The following ASXL2 variants were observed in gnomAD, a reference collection of about 807,000 sequenced individuals.
ASXL2 encodes the protein putative Polycomb group protein ASXL2.
ASXL2 carries 23 observed loss-of-function variants against 122.0 expected under a neutral mutation model. The ratio of observed to expected loss-of-function variants is 0.19; its 90% CI spans 0.14 to 0.27. ASXL2 has a LOEUF of 0.27. Among genes scored for constraint, ASXL2 ranks in the 10% least tolerant of loss-of-function variants. ASXL2 has a pLI of 1.00. For synonymous variants in ASXL2, 650 were observed against 637.0 expected (o/e 1.02, Z -0.31); for missense variants, 1,518 against 1,713.8 (o/e 0.89, Z 2.02).
chr2:25,850,922 T>C (rs1413621792), intron 1 of ASXL2, among the ~76,000 whole-genome samples: 4 of 152,144 alleles, frequency 2.6e-5, no homozygotes, highest in Admixed American at 2.6e-4. Flanking sequence ...GTGGACCACC[T>C]GAGGTCAGGA....
chr2:25,818,905 T>A (rs980297899), intron 3 of ASXL2, among the ~76,000 whole-genome samples: 3 of 152,038 alleles, frequency 2.0e-5, no homozygotes, highest in African/African-American at 7.2e-5. Flanking sequence ...CTTCTAATAA[T>A]CAAAAAAGAA....
intron 3 of ASXL2, among the ~76,000 whole-genome samples, chr2:25,814,152 A>G (rs76452491): frequency 0.033 from 4,982 of 152,312 alleles, 135 homozygotes; most frequent in African/African-American, 0.073. Context: ...ATTTTGAAAA[A>G]CCTACAAGAT....
intron 3 of ASXL2, among the ~76,000 whole-genome samples, chr2:25,814,517 CACA>C (rs899514942): frequency 1.5e-4 from 23 of 152,184 alleles, no homozygotes; most frequent in Non-Finnish European, 5.9e-5. Flanking sequence ...GTAACTATCA[CACA>C]ACAAGTCAGC....
At chr2:25,789,536 T>C (rs2088799199) in intron 5 of ASXL2, among the ~76,000 whole-genome samples, 2 of 152,116 alleles carry the variant, frequency 1.3e-5, no homozygotes, top group Non-Finnish European at 2.9e-5. Context: ...TAGTTCATAG[T>C]ACTGTTCTGT....
intron 2 of ASXL2, among the ~76,000 whole-genome samples, chr2:25,843,166 G>C (rs1021289669): frequency 5.9e-5 from 9 of 151,948 alleles, no homozygotes; most frequent in Non-Finnish European, 1.2e-4. Flanking sequence ...GCCAGGCATG[G>C]TGGCAGGTGC....
At chr2:25,820,141 C>A (rs1000408096) in intron 3 of ASXL2, among the ~76,000 whole-genome samples, 1 of 152,048 alleles carries the variant, frequency 6.6e-6, no homozygotes, top group African/African-American at 2.4e-5. Flanking sequence ...GTCTTGAACT[C>A]CTGCACTCAA....
At chr2:25,804,316 C>T (rs1314078466) in intron 4 of ASXL2, among the ~76,000 whole-genome samples, 1 of 152,242 alleles carries the variant, frequency 6.6e-6, no homozygotes, top group Non-Finnish European at 1.5e-5. Context: ...TTGGGGAAAA[C>T]TCTCTCCTCA....
chr2:25,822,967 CT>C, intron 3 of ASXL2: 1 of 507,444 alleles, frequency 2.0e-6, no homozygotes, highest in Non-Finnish European at 3.9e-6. Context: ...CTGTCATCAC[CT>C]GGATTTTGGG....
Position 25,749,612 on chromosome 2 carries a change from C to T in ASXL2, c.1860+84G>A. 5.4e-6 allele frequency: 6 copies of T among 1,110,952 alleles called. No individual in the cohort carries two copies. The South Asian group carries it at 8.3e-5, about 15-fold the overall frequency. The allele number at this position is 1,110,952 out of a possible 1,614,324, so 68.8% of individuals were successfully genotyped here. A position where few individuals can be genotyped will look rare whatever the true frequency, so the allele number is the denominator to read the frequency against. On this transcript the variant is annotated intron_variant, in intron 12 of 12. Coordinates refer to ENST00000435504, the MANE Select transcript of ASXL2 (RefSeq NM_018263.6). ...ACTGCTTCTGCATTAAGAACTACCA[C>T]AATTTACTTGAAATTTAGTAGGTAT...
chr2:25,845,654 AAATT>A (rs1574445460), intron 1 of ASXL2, 91 bp from the exon 2 acceptor site: 2 of 521,826 alleles, frequency 3.8e-6, no homozygotes, highest in Admixed American at 4.7e-5. Context: ...TTAAAAGCTA[AAATT>A]AATAACCCAA....
At chr2:25,859,330 T>C (rs904997783) in intron 1 of ASXL2, among the ~76,000 whole-genome samples, 10 of 152,226 alleles carry the variant, frequency 6.6e-5, no homozygotes, top group Non-Finnish European at 1.5e-4. Flanking sequence ...TTTAAGGCAA[T>C]ATTATTTAAT....
chr2:25,799,899 C>T (rs1021693989), intron 4 of ASXL2, among the ~76,000 whole-genome samples: 2 of 150,056 alleles, frequency 1.3e-5, no homozygotes, highest in Non-Finnish European at 2.9e-5. Flanking sequence ...AATGCTAACA[C>T]TTTGGGTGGC....
At chr2:25,809,058 A>G (rs567725507) in intron 3 of ASXL2, among the ~76,000 whole-genome samples, 5 of 152,362 alleles carry the variant, frequency 3.3e-5, no homozygotes, top group African/African-American at 1.2e-4. Flanking sequence ...GATACAAAGT[A>G]CAATGAGATA....
At chr2:25,791,039 C>T (rs924634863) in intron 5 of ASXL2, among the ~76,000 whole-genome samples, 2 of 151,948 alleles carry the variant, frequency 1.3e-5, no homozygotes, top group Non-Finnish European at 2.9e-5. Flanking sequence ...TCAAGTCATA[C>T]TCCTGCCTCG....
Position 25,759,610 on chromosome 2 carries a change from C to T in ASXL2, c.811G>A (p.Val271Ile), listed in dbSNP as rs954846035. Residue 271 changes from valine to isoleucine, a missense_variant, in exon 9 of 13, where the codon GTT becomes ATT. Coordinates refer to ENST00000435504, the MANE Select transcript of ASXL2 (RefSeq NM_018263.6). ...ACCAGAATGGAGTCCGGTGTCTCAA[C>T]GTCAATGTCAGCACATTTAGTTCTT... ...MKRTKCADIDVETPDSILVNT... is the reference protein window; with the variant it reads ...MKRTKCADIDIETPDSILVNT... The T allele has an allele frequency of 6.2e-7, 1 of 1,613,210 alleles. No homozygotes were observed. The highest frequency in any genetic ancestry group is 8.5e-7 in the Non-Finnish European group (1 of 1,179,464).
intron 3 of ASXL2, chr2:25,810,278 A>T (rs2089148837): frequency 7.9e-6 from 5 of 635,124 alleles, no homozygotes; most frequent in South Asian, 7.0e-5. Flanking sequence ...CCAACTTACG[A>T]GCCACCTCTT....
intron 2 of ASXL2, among the ~76,000 whole-genome samples, chr2:25,843,116 C>T (rs866973577): frequency 5.1e-4 from 78 of 151,636 alleles, no homozygotes; most frequent in African/African-American, 1.6e-3. Context: ...TTGGCTAACA[C>T]GGTGAAACCA....
At chr2:25,763,417 G>C (rs2088287968) in intron 8 of ASXL2, among the ~76,000 whole-genome samples, 1 of 151,978 alleles carries the variant, frequency 6.6e-6, no homozygotes, top group South Asian at 2.1e-4. Context: ...TTGAACCTGG[G>C]AGGCGGAGGT....
chr2:25,855,352 C>T (rs900802446), intron 1 of ASXL2, among the ~76,000 whole-genome samples: 2 of 151,974 alleles, frequency 1.3e-5, no homozygotes, highest in African/African-American at 2.4e-5. Context: ...TAGAGACCAG[C>T]CTGGGAAACA....
Sources: gnomAD v4.1 joint callset for allele counts (sites outside exome capture counted in the v4.1 genomes callset) on GRCh38, gnomAD v4.1.1 for gene constraint, MANE v1.5 for transcripts, NCBI Gene and HGNC (gene_info 2026-07-23, HGNC 2026-07-21) for gene names.